The following GMDS variants were observed in gnomAD, a reference collection of about 807,000 sequenced individuals.
GMDS encodes the protein GDP-mannose 4,6 dehydratase.
Under a neutral mutation model 49.9 loss-of-function variants are expected in GMDS, and 20 were observed. That is an observed-to-expected ratio of 0.40 (90% CI 0.28 to 0.58). The LOEUF is 0.58. Among genes scored for constraint, GMDS ranks in the 20% least tolerant of loss-of-function variants. GMDS has a pLI of 0.42. For missense variants in GMDS, 362 were observed against 481.4 expected, an observed-to-expected ratio of 0.75 and a Z score of 2.32; for synonymous variants, 177 against 178.6, an observed-to-expected ratio of 0.99 and a Z score of 0.07.
rs145761467 is a variant in GMDS at position 2,191,461 on chromosome 6, C to T, written c.102+53860G>A. 5.9e-4 allele frequency among the ~76,000 whole-genome samples: 90 copies of T among 152,340 alleles called. 1 individual carries two copies. The East Asian group carries it at 0.016, about 27-fold the overall frequency. Reference sequence around the variant, plus strand: ...ACCAGCCCTGCCCTCCCAGACACATCTGCAGCCGCCCAGGTGGGGCTGTGG... The same window carrying T: ...ACCAGCCCTGCCCTCCCAGACACATTTGCAGCCGCCCAGGTGGGGCTGTGG... On this transcript the variant is annotated intron_variant, in intron 1 of 10. Transcript: ENST00000380815. This position sits in a 1 kb window ranked among gnomAD's most constrained non-coding sequence, Gnocchi z 4.6.
chr6:2,097,926 CAA>C (rs67604166), intron 4 of GMDS, among the ~76,000 whole-genome samples: 76,149 of 150,494 alleles, frequency 0.51, 19,847 homozygotes, highest in East Asian at 0.69. Flanking sequence ...ACTATAAAAA[CAA>C]ACAAAACAAA....
At chr6:2,101,354 C>T (rs1003724722) in intron 4 of GMDS, among the ~76,000 whole-genome samples, 1 of 151,190 alleles carries the variant, frequency 6.6e-6, no homozygotes, top group African/African-American at 2.4e-5. Context: ...AATGAAATTT[C>T]AGTAAAGCTT....
chr6:1,762,018 A>G (rs1176922010), intron 7 of GMDS, among the ~76,000 whole-genome samples: 3 of 152,270 alleles, frequency 2.0e-5, no homozygotes, highest in Non-Finnish European at 4.4e-5. Context: ...CGTGAATTAA[A>G]GGACAATCTG....
chr6:1,674,211 C>T (rs1280546608), intron 9 of GMDS, among the ~76,000 whole-genome samples: 2 of 152,048 alleles, frequency 1.3e-5, no homozygotes, highest in African/African-American at 4.8e-5. Flanking sequence ...AATGTTTTGC[C>T]ATTCTAATAG....
At position 2,125,604 on chromosome 6, in the gene GMDS, G is replaced by GA. The variant is rs934344276; in HGVS notation, c.103-874dup. Among the ~76,000 whole-genome samples the GA allele has an allele frequency of 2.9e-3, 431 of 149,406 alleles. 2 individuals carry two copies. Among genetic ancestry groups the GA allele is most frequent in the African/African-American group, 9.0e-3 (368 of 40,848 alleles). On this transcript the variant is annotated intron_variant, in intron 1 of 10. Transcript: ENST00000380815. ...GGGAGACATTGTCTCCAGAGGGAAAGAAAAAAAAAATCACTGGGGAAGGGG... is the reference window on the plus strand; with the variant it reads ...GGGAGACATTGTCTCCAGAGGGAAAGAAAAAAAAAAATCACTGGGGAAGGGG...
intron 4 of GMDS, among the ~76,000 whole-genome samples, chr6:2,050,765 C>T (rs1770341524): frequency 6.6e-6 from 1 of 152,088 alleles, no homozygotes; most frequent in Non-Finnish European, 1.5e-5. Flanking sequence ...TAAACAGAAC[C>T]AACAACAAAA....
At chr6:1,800,522 C>T (rs569315659) in intron 7 of GMDS, among the ~76,000 whole-genome samples, 8 of 152,170 alleles carry the variant, frequency 5.3e-5, no homozygotes, top group East Asian at 1.9e-4. Flanking sequence ...CTGCAACCTC[C>T]GCCTCCTGGG....
intron 7 of GMDS, among the ~76,000 whole-genome samples, chr6:1,877,895 G>C (rs1759156706): frequency 6.6e-6 from 1 of 152,156 alleles, no homozygotes; most frequent in Non-Finnish European, 1.5e-5. Flanking sequence ...GCTATTTGAA[G>C]CAAACTTTTA....
intron 4 of GMDS, among the ~76,000 whole-genome samples, chr6:2,075,247 TA>T (rs1234487024): frequency 1.3e-5 from 2 of 151,938 alleles, no homozygotes; most frequent in African/African-American, 4.8e-5. Flanking sequence ...GTTAATGCTA[TA>T]AATTTTTTTT....
chr6:1,725,558 C>T (rs9392328), intron 9 of GMDS, among the ~76,000 whole-genome samples: 126,226 of 152,044 alleles, frequency 0.83, 52,912 homozygotes, highest in East Asian at 1. Context: ...CTCAGCCTCC[C>T]GAGTAGTGGG....
chr6:1,786,485 C>G (rs1482172495), intron 7 of GMDS, among the ~76,000 whole-genome samples: 1 of 152,214 alleles, frequency 6.6e-6, no homozygotes, highest in Non-Finnish European at 1.5e-5. Context: ...GCAAGCATAG[C>G]AGAGGCTTCA....
chr6:1,824,881 G>A (rs958407975), intron 7 of GMDS, among the ~76,000 whole-genome samples: 2 of 152,122 alleles, frequency 1.3e-5, no homozygotes, highest in Non-Finnish European at 2.9e-5. Context: ...GGTACCATAC[G>A]TTTGTTGTTT....
intron 7 of GMDS, among the ~76,000 whole-genome samples, chr6:1,768,253 G>C (rs1561792214): frequency 6.6e-6 from 1 of 152,164 alleles, no homozygotes; most frequent in Non-Finnish European, 1.5e-5. Flanking sequence ...ATGTCATAGA[G>C]ACATGCTTTC....
chr6:1,935,267 A>T (rs781663708), intron 6 of GMDS, among the ~76,000 whole-genome samples: 1 of 152,190 alleles, frequency 6.6e-6, no homozygotes, highest in Admixed American at 6.5e-5. Flanking sequence ...AACATTTGCC[A>T]TGCCAAATCA....
chr6:1,950,874 C>T (rs1763304907), intron 6 of GMDS, among the ~76,000 whole-genome samples: 2 of 151,908 alleles, frequency 1.3e-5, no homozygotes, highest in African/African-American at 2.4e-5. Flanking sequence ...AGAGCCATCC[C>T]GTGCACACCA....
At chr6:1,713,469 C>T (rs1766051981) in intron 9 of GMDS, among the ~76,000 whole-genome samples, 1 of 152,232 alleles carries the variant, frequency 6.6e-6, no homozygotes, top group African/African-American at 2.4e-5. Flanking sequence ...TCCCACTGCC[C>T]ACCCCCGCCA....
At chr6:1,763,303 T>C (rs1318576828) in intron 7 of GMDS, among the ~76,000 whole-genome samples, 1 of 152,138 alleles carries the variant, frequency 6.6e-6, no homozygotes, top group East Asian at 1.9e-4. Flanking sequence ...AAGAACAAAT[T>C]CAGTTCTGAT....
intron 4 of GMDS, among the ~76,000 whole-genome samples, chr6:1,998,372 C>T (rs1766428566): frequency 6.6e-6 from 1 of 151,476 alleles, no homozygotes; most frequent in African/African-American, 2.4e-5. Flanking sequence ...CTATGAGCTC[C>T]CTAGTAAGAA....
chr6:1,912,794 A>G (rs1391695059), intron 7 of GMDS, among the ~76,000 whole-genome samples: 2 of 152,188 alleles, frequency 1.3e-5, no homozygotes, highest in Non-Finnish European at 2.9e-5. Context: ...TGGTCAGAAA[A>G]TTTTCAAAAT....
Sources: allele counts gnomAD v4.1 joint callset (sites outside exome capture counted in the v4.1 genomes callset), GRCh38; gene constraint gnomAD v4.1.1; non-coding constraint Gnocchi (gnomAD v3.1); transcripts MANE v1.5; gene names NCBI Gene and HGNC (gene_info 2026-07-23, HGNC 2026-07-21).